MCF2L2: variants seen among roughly 807,000 people sequenced by gnomAD.
The protein encoded by MCF2L2 is probable guanine nucleotide exchange factor MCF2L2.
In MCF2L2, 102 loss-of-function variants were observed where a neutral mutation model predicts 150.2. The ratio of observed to expected loss-of-function variants is 0.68; its 90% CI spans 0.58 to 0.80. MCF2L2 has a LOEUF of 0.80. Among genes scored for constraint, MCF2L2 ranks in the 30% least tolerant of loss-of-function variants. MCF2L2 has a pLI of 0.00. For missense variants in MCF2L2, 1,256 were observed against 1,372.8 expected, an observed-to-expected ratio of 0.91 and a Z score of 1.34; for synonymous variants, 465 against 491.3, an observed-to-expected ratio of 0.95 and a Z score of 0.71.
intron 5 of MCF2L2, among the ~76,000 whole-genome samples, chr3:183,334,560 G>T (rs1376054376): frequency 6.6e-6 from 1 of 151,822 alleles, no homozygotes; most frequent in Non-Finnish European, 1.5e-5. Flanking sequence ...GGCTGAGGTG[G>T]GTGGATCACC....
chr3:183,250,713 G>C (rs114609295), intron 15 of MCF2L2, among the ~76,000 whole-genome samples: 7 of 152,164 alleles, frequency 4.6e-5, no homozygotes, highest in African/African-American at 1.7e-4. Flanking sequence ...GGAGGTGGCC[G>C]GGGGGCAGAG....
intron 14 of MCF2L2, among the ~76,000 whole-genome samples, chr3:183,279,501 C>T (rs1207629175): frequency 1.3e-5 from 2 of 152,192 alleles, no homozygotes; most frequent in Non-Finnish European, 2.9e-5. Context: ...ACAATCGTTT[C>T]TTGTGACACT....
Position 183,427,964 on chromosome 3 carries a change from A to G in MCF2L2, c.14T>C (p.Leu5Ser). 1 of 1,613,304 alleles carries G rather than the reference A, an allele frequency of 6.2e-7. No individual in the cohort carries two copies. The highest frequency in any genetic ancestry group is 1.1e-5 in the South Asian group (1 of 90,966). MLSC[L>S]KEEMPPQELT... ...CTCCTGGGGAGGCATCTCTTCTTTTAAGCAAGACAGCATTTCACTGAAAAA... is the reference window on the plus strand; with the variant it reads ...CTCCTGGGGAGGCATCTCTTCTTTTGAGCAAGACAGCATTTCACTGAAAAA... Residue 5 changes from leucine (L) to serine (S), a missense_variant, in exon 1 of 30, where the codon TTA becomes TCA. Transcript: ENST00000328913.
chr3:183,285,811 C>G (rs1237454162), intron 14 of MCF2L2, among the ~76,000 whole-genome samples: 1 of 152,098 alleles, frequency 6.6e-6, no homozygotes, highest in Non-Finnish European at 1.5e-5. Flanking sequence ...ACTGCTAGCT[C>G]TTTCTTAATT....
chr3:183,299,116 G>C (rs1055467512), intron 11 of MCF2L2: 1 of 152,344 alleles, frequency 6.6e-6, no homozygotes, highest in South Asian at 2.1e-4. Flanking sequence ...TACCCTAGAG[G>C]TCACCTCCAA....
intron 5 of MCF2L2, among the ~76,000 whole-genome samples, chr3:183,336,214 T>A (rs1730473608): frequency 6.6e-6 from 1 of 152,152 alleles, no homozygotes; most frequent in African/African-American, 2.4e-5. Flanking sequence ...AACATTCTTA[T>A]GTGTATATAT....
chr3:183,195,662 T>C (rs1490651541), intron 25 of MCF2L2, among the ~76,000 whole-genome samples: 1 of 152,212 alleles, frequency 6.6e-6, no homozygotes, highest in Non-Finnish European at 1.5e-5. Context: ...TCACATTCTT[T>C]ACTAAAGTGT....
At chr3:183,370,732 A>G (rs1430255440) in intron 3 of MCF2L2, among the ~76,000 whole-genome samples, 1 of 143,424 alleles carries the variant, frequency 7.0e-6, no homozygotes, top group African/African-American at 2.8e-5. Context: ...AGCCTGGCAT[A>G]TTAACTTTGT....
At chr3:183,277,656 A>AGT (rs1393899646) in intron 14 of MCF2L2, among the ~76,000 whole-genome samples, 1 of 148,734 alleles carries the variant, frequency 6.7e-6, no homozygotes, top group African/African-American at 2.5e-5. Flanking sequence ...TTATATTCCA[A>AGT]ATATATATAT....
intron 14 of MCF2L2, among the ~76,000 whole-genome samples, chr3:183,278,148 C>T (rs565536535): frequency 1.5e-4 from 22 of 151,510 alleles, no homozygotes; most frequent in African/African-American, 3.6e-4. Flanking sequence ...TGCACCACTG[C>T]ACTCCAGTCT....
chr3:183,205,396 A>G (rs1722436606), intron 25 of MCF2L2, among the ~76,000 whole-genome samples: 1 of 152,200 alleles, frequency 6.6e-6, no homozygotes, highest in Admixed American at 6.5e-5. Flanking sequence ...AACAAAACAA[A>G]AAACAAAAGT....
At chr3:183,223,851 C>T (rs969993013) in intron 19 of MCF2L2, among the ~76,000 whole-genome samples, 1 of 152,160 alleles carries the variant, frequency 6.6e-6, no homozygotes, top group African/African-American at 2.4e-5. Flanking sequence ...CAAAGTGTGA[C>T]ATTTTTTACT....
intron 1 of MCF2L2, among the ~76,000 whole-genome samples, chr3:183,423,097 C>G (rs1715969030): frequency 6.6e-6 from 1 of 152,208 alleles, no homozygotes; most frequent in Non-Finnish European, 1.5e-5. Context: ...ACAGTGTCTA[C>G]AGAGCCTAAT....
intron 1 of MCF2L2, among the ~76,000 whole-genome samples, chr3:183,401,938 A>G (rs1295605390): frequency 6.6e-6 from 1 of 152,206 alleles, no homozygotes; most frequent in South Asian, 2.1e-4. Context: ...TCTCAGACAA[A>G]TATCTAGAAA....
intron 7 of MCF2L2, among the ~76,000 whole-genome samples, chr3:183,312,200 T>A (rs1729409816): frequency 6.6e-6 from 1 of 152,194 alleles, no homozygotes; most frequent in Non-Finnish European, 1.5e-5. Context: ...AATACTTCAG[T>A]TGGTCTCATC....
chr3:183,195,938 C>T (rs1722068550), intron 25 of MCF2L2, among the ~76,000 whole-genome samples: 1 of 152,184 alleles, frequency 6.6e-6, no homozygotes, highest in African/African-American at 2.4e-5. Context: ...AGGATGGGAC[C>T]GTGGCCTTGA....
At chr3:183,425,825 C>T (rs1278239623) in intron 1 of MCF2L2, among the ~76,000 whole-genome samples, 16 of 152,092 alleles carry the variant, frequency 1.1e-4, no homozygotes, top group African/African-American at 3.9e-4. Flanking sequence ...CGTGGTGGCA[C>T]ATGCCTGTAA....
intron 16 of MCF2L2, 91 bp downstream of exon 16, chr3:183,230,860 G>T: frequency 1.1e-6 from 1 of 934,698 alleles, no homozygotes; most frequent in Non-Finnish European, 1.7e-6. Context: ...GAATTCTGGA[G>T]ACTTCTGGCA....
chr3:183,299,907 C>T, intron 11 of MCF2L2, 98 bp downstream of exon 11: 1 of 1,308,320 alleles, frequency 7.6e-7, no homozygotes, highest in Non-Finnish European at 1.1e-6. Flanking sequence ...AGCACTCAAG[C>T]CTCTCAGCAA....
Sources: gnomAD v4.1 joint callset for allele counts (sites outside exome capture counted in the v4.1 genomes callset) on GRCh38, gnomAD v4.1.1 for gene constraint, MANE v1.5 for transcripts, NCBI Gene and HGNC (gene_info 2026-07-23, HGNC 2026-07-21) for gene names.